Variants in STARD13 observed in about 807,000 individuals in gnomAD.
The protein encoded by STARD13 is stAR-related lipid transfer protein 13.
A neutral mutation model predicts 106.4 loss-of-function variants in STARD13; 62 were observed. That is an observed-to-expected ratio of 0.58 (90% CI 0.48 to 0.72). The LOEUF (loss-of-function observed/expected upper bound fraction) is 0.72, where lower values mean the gene tolerates loss of function less well. Ranked by LOEUF, STARD13 falls within the 30% of genes least tolerant of loss-of-function variation. STARD13 has a pLI of 0.00. For synonymous variants in STARD13, 565 were observed against 553.0 expected (o/e 1.02, Z -0.31); for missense variants, 1,387 against 1,424.0 (o/e 0.97, Z 0.42).
At chr13:33,292,540 C>G (rs917462047) in intron 1 of STARD13, among the ~76,000 whole-genome samples, 2 of 151,502 alleles carry the variant, frequency 1.3e-5, no homozygotes, top group Admixed American at 1.3e-4. Context: ...GGTCAAGGCT[C>G]CAGTAAGCCA....
chr13:33,449,787 A>G, the STARD13 span, among the ~76,000 whole-genome samples: 1 of 151,972 alleles, frequency 6.6e-6, no homozygotes, highest in African/African-American at 2.4e-5. Context: ...TGTAGTTTTA[A>G]TTGTAGTTAT....
At chr13:33,139,681 C>T (rs765720197) in intron 4 of STARD13, among the ~76,000 whole-genome samples, 40 of 152,256 alleles carry the variant, frequency 2.6e-4, no homozygotes, top group Admixed American at 1.6e-3. Context: ...GAGCTTTTCA[C>T]GGGGTGCTCG....
chr13:33,407,944 T>C, the STARD13 span, among the ~76,000 whole-genome samples: 4 of 152,176 alleles, frequency 2.6e-5, no homozygotes, highest in Admixed American at 6.5e-5. Context: ...CATGAGTTGA[T>C]TGAGTAATTT....
intron 4 of STARD13, among the ~76,000 whole-genome samples, chr13:33,135,412 C>T (rs888878173): frequency 6.6e-6 from 1 of 152,206 alleles, no homozygotes; most frequent in Non-Finnish European, 1.5e-5. Context: ...CTATGAGTGA[C>T]AGCTGCATGG....
chr13:33,246,476 C>A (rs910748590), intron 1 of STARD13, among the ~76,000 whole-genome samples: 2 of 152,296 alleles, frequency 1.3e-5, no homozygotes, highest in Middle Eastern at 3.4e-3. Context: ...TTTGTTTCAA[C>A]AATCACACCT....
chr13:33,531,989 C>T, the STARD13 span, among the ~76,000 whole-genome samples: 1 of 152,138 alleles, frequency 6.6e-6, no homozygotes, highest in African/African-American at 2.4e-5. Context: ...GTGCTGTCCC[C>T]CCGTCCCCAT....
the STARD13 span, among the ~76,000 whole-genome samples, chr13:33,409,869 ACTGTGGTATTTCAACT>A: frequency 1.3e-5 from 2 of 152,254 alleles, no homozygotes; most frequent in African/African-American, 4.8e-5. Context: ...AAAGGAAGAC[ACTGTGGTATTTCAACT>A]TCCCTTTATG....
At chr13:33,640,664 T>G in the STARD13 span, among the ~76,000 whole-genome samples, 2 of 152,182 alleles carry the variant, frequency 1.3e-5, no homozygotes, top group East Asian at 3.9e-4. Flanking sequence ...CCATGCAGGC[T>G]TGTAAATGTC....
intron 1 of STARD13, among the ~76,000 whole-genome samples, chr13:33,323,952 A>G (rs1227216590): frequency 2.6e-5 from 4 of 152,174 alleles, no homozygotes; most frequent in Non-Finnish European, 5.9e-5. Context: ...GGCTATTTCC[A>G]CAGCTGATTA....
chr13:33,385,689 G>C, the STARD13 span, among the ~76,000 whole-genome samples: 2 of 151,232 alleles, frequency 1.3e-5, no homozygotes, highest in South Asian at 4.2e-4. Context: ...GTGAAACCCT[G>C]TCTCTACTAA....
chr13:33,384,808 T>C, the STARD13 span, among the ~76,000 whole-genome samples: 2 of 152,226 alleles, frequency 1.3e-5, no homozygotes, highest in South Asian at 4.1e-4. Context: ...AAAGACTGCA[T>C]GCTGAGCAAG....
the STARD13 span, among the ~76,000 whole-genome samples, chr13:33,549,662 G>A: frequency 1.3e-5 from 2 of 152,130 alleles, no homozygotes; most frequent in African/African-American, 4.8e-5. Context: ...ATTTCCCCAT[G>A]GATCAATGAA....
chr13:33,419,533 T>G, the STARD13 span, among the ~76,000 whole-genome samples: 5 of 152,154 alleles, frequency 3.3e-5, no homozygotes, highest in African/African-American at 1.2e-4. Context: ...AAAACACTCT[T>G]TAGGATATTA....
At chr13:33,356,251 G>T in the STARD13 span, among the ~76,000 whole-genome samples, 1 of 152,186 alleles carries the variant, frequency 6.6e-6, no homozygotes, top group Non-Finnish European at 1.5e-5. Flanking sequence ...TTTTATAAAG[G>T]TTGAGTAAGT....
chr13:33,475,700 G>A, the STARD13 span, among the ~76,000 whole-genome samples: 1 of 152,190 alleles, frequency 6.6e-6, no homozygotes, highest in African/African-American at 2.4e-5. Context: ...GGTCACGCCT[G>A]TAATCCCAGC....
Position 33,202,427 on chromosome 13 carries a change from A to G in STARD13, c.170-34805T>C, listed in dbSNP as rs149587719. On this transcript the variant is annotated intron_variant, in intron 1 of 13. Transcript: ENST00000336934. ...TGACAGGACCCCACAAAGAAGTGGTATGGAAAGACTGACTTTCTCATTCAC... is the reference window on the plus strand; with the variant it reads ...TGACAGGACCCCACAAAGAAGTGGTGTGGAAAGACTGACTTTCTCATTCAC... 2.9e-4 allele frequency among the ~76,000 whole-genome samples: 44 copies of G among 152,334 alleles called. No homozygotes were observed. In the East Asian group the frequency reaches 6.6e-3, roughly 23 times the overall value.
chr13:33,298,667 T>C (rs1243427953), intron 1 of STARD13, among the ~76,000 whole-genome samples: 3 of 152,206 alleles, frequency 2.0e-5, no homozygotes, highest in East Asian at 1.9e-4. Flanking sequence ...TATGAATGTA[T>C]ATAAACAGAC....
the STARD13 span, among the ~76,000 whole-genome samples, chr13:33,654,081 G>A: frequency 6.6e-6 from 1 of 152,224 alleles, no homozygotes; most frequent in South Asian, 2.1e-4. Flanking sequence ...TTGCTAGTGA[G>A]AATGTAAAAT....
intron 1 of STARD13, among the ~76,000 whole-genome samples, chr13:33,257,943 G>A (rs542776103): frequency 6.6e-6 from 1 of 152,312 alleles, no homozygotes; most frequent in African/African-American, 2.4e-5. Flanking sequence ...CACATAACAA[G>A]TGACAGGTTA....
Sources: gnomAD v4.1 joint callset for allele counts (sites outside exome capture counted in the v4.1 genomes callset) on GRCh38, gnomAD v4.1.1 for gene constraint, MANE v1.5 for transcripts, NCBI Gene and HGNC (gene_info 2026-07-23, HGNC 2026-07-21) for gene names.